The following SRPK2 variants were observed in gnomAD, a reference collection of about 807,000 sequenced individuals.
SRPK2 encodes SRSF protein kinase 2.
SRPK2 carries 21 observed loss-of-function variants against 90.8 expected under a neutral mutation model. That is an observed-to-expected ratio of 0.23 (90% CI 0.16 to 0.33). SRPK2 has a LOEUF of 0.33. Ranked by LOEUF, SRPK2 falls within the 10% of genes least tolerant of loss-of-function variation. The pLI is 1.00. For missense variants in SRPK2, 620 were observed against 869.0 expected (o/e 0.71, Z 3.60); for synonymous variants, 288 against 311.1 (o/e 0.93, Z 0.78).
chr7:105,246,311 G>C (rs1801657733), intron 2 of SRPK2, among the ~76,000 whole-genome samples: 1 of 152,034 alleles, frequency 6.6e-6, no homozygotes, highest in South Asian at 2.1e-4. Flanking sequence ...CATTTTACAA[G>C]AAAGAAAACT....
intron 2 of SRPK2, among the ~76,000 whole-genome samples, chr7:105,232,458 T>TAAAAAAAAAAAAAAAAAAAAAAAAAAAAA (rs10533429): frequency 7.6e-6 from 1 of 132,064 alleles, no homozygotes. Context: ...AAACCTTATC[T>TAAAAAAAAAAAAAAAAAAAAAAAAAAAAA]AAAAAAAAAA....
At chr7:105,186,754 A>C (rs1438442151) in intron 3 of SRPK2, among the ~76,000 whole-genome samples, 2 of 152,194 alleles carry the variant, frequency 1.3e-5, no homozygotes, top group African/African-American at 4.8e-5. Context: ...TTTTGAGGCT[A>C]GGTCATAAAA....
At chr7:105,301,594 G>T (rs1810564522) in intron 2 of SRPK2, 1 of 1,603,486 alleles carries the variant, frequency 6.2e-7, no homozygotes, top group Non-Finnish European at 8.5e-7. Flanking sequence ...AAGTTTCCGG[G>T]AATTAAGTTC....
upstream of SRPK2, among the ~76,000 whole-genome samples, chr7:105,393,951 G>T (rs1203888133): frequency 6.6e-6 from 1 of 151,522 alleles, no homozygotes; most frequent in Non-Finnish European, 1.5e-5. Context: ...AAAAAAAATT[G>T]CTCCCCCCAA....
chr7:105,368,713 G>A (rs1005954533), intron 2 of SRPK2, among the ~76,000 whole-genome samples: 4 of 151,850 alleles, frequency 2.6e-5, no homozygotes, highest in East Asian at 3.9e-4. Context: ...ATGAAACCCC[G>A]TCTCTACTAA....
At chr7:105,139,444 C>G (rs1803375980) in intron 11 of SRPK2, among the ~76,000 whole-genome samples, 1 of 152,180 alleles carries the variant, frequency 6.6e-6, no homozygotes. Context: ...AAGTTTCTCA[C>G]TGGAGCAACA....
intron 11 of SRPK2, among the ~76,000 whole-genome samples, chr7:105,138,439 T>G (rs1202917589): frequency 6.6e-6 from 1 of 152,162 alleles, no homozygotes; most frequent in Admixed American, 6.6e-5. Context: ...GATCATATCC[T>G]AGATCAGGAA....
chr7:105,253,377 A>T (rs1802757623), intron 2 of SRPK2, among the ~76,000 whole-genome samples: 1 of 152,204 alleles, frequency 6.6e-6, no homozygotes, highest in Non-Finnish European at 1.5e-5. Context: ...CTTCATGCCC[A>T]CAGGAAAATG....
At chr7:105,378,035 C>G (rs988233423) in intron 2 of SRPK2, among the ~76,000 whole-genome samples, 1 of 152,108 alleles carries the variant, frequency 6.6e-6, no homozygotes, top group East Asian at 1.9e-4. Flanking sequence ...GCTCCCCAGT[C>G]CTTCGTTTGA....
intron 2 of SRPK2, among the ~76,000 whole-genome samples, chr7:105,372,139 A>T (rs1481818125): frequency 2.5e-4 from 13 of 52,590 alleles, no homozygotes; most frequent in Non-Finnish European, 4.1e-4. Flanking sequence ...CAACTCATAA[A>T]AAAAAAAAAA....
chr7:105,153,207 T>C (rs1295544793), intron 7 of SRPK2, among the ~76,000 whole-genome samples: 1 of 152,044 alleles, frequency 6.6e-6, no homozygotes, highest in African/African-American at 2.4e-5. Context: ...CAGGTTTCTC[T>C]GGGTAAAGTC....
At chr7:105,190,664 T>TA (rs1452394756) in intron 3 of SRPK2, among the ~76,000 whole-genome samples, 3 of 152,212 alleles carry the variant, frequency 2.0e-5, no homozygotes, top group South Asian at 4.1e-4. Flanking sequence ...GCCACACTGT[T>TA]AGACTATCAG....
intron 2 of SRPK2, among the ~76,000 whole-genome samples, chr7:105,255,907 G>C (rs956003765): frequency 6.7e-6 from 1 of 149,214 alleles, no homozygotes; most frequent in Non-Finnish European, 1.5e-5. Context: ...CTGGGCGATA[G>C]TGTGAGTCCA....
intron 3 of SRPK2, among the ~76,000 whole-genome samples, chr7:105,185,021 G>A (rs547269453): frequency 5.3e-5 from 8 of 152,178 alleles, no homozygotes; most frequent in African/African-American, 1.9e-4. Context: ...ATGAGCTTGA[G>A]TACATGAACT....
At chr7:105,289,056 A>T (rs1808575952) in intron 2 of SRPK2, among the ~76,000 whole-genome samples, 1 of 145,222 alleles carries the variant, frequency 6.9e-6, no homozygotes, top group Non-Finnish European at 1.5e-5. Context: ...GGAGATCGAG[A>T]CCGTCTTGGC....
At chr7:105,170,518 C>A (rs1274788742) in intron 3 of SRPK2, among the ~76,000 whole-genome samples, 2 of 151,658 alleles carry the variant, frequency 1.3e-5, no homozygotes, top group Non-Finnish European at 2.9e-5. Context: ...CACGGTGAAA[C>A]CCCATCTCTA....
chr7:105,226,434 G>A (rs1219299632), intron 2 of SRPK2, among the ~76,000 whole-genome samples: 1 of 152,022 alleles, frequency 6.6e-6, no homozygotes, highest in African/African-American at 2.4e-5. Flanking sequence ...GGGATTACAG[G>A]TGCGCGCCAC....
At chr7:105,244,839 G>A (rs1254763606) in intron 2 of SRPK2, 1 of 1,050,994 alleles carries the variant, frequency 9.5e-7, no homozygotes, top group South Asian at 1.3e-5. Flanking sequence ...TTACTGAAAG[G>A]TCTCCAAAGA....
intron 2 of SRPK2, among the ~76,000 whole-genome samples, chr7:105,261,035 A>AAAC (rs1302215220): frequency 2.0e-5 from 3 of 151,640 alleles, no homozygotes; most frequent in Admixed American, 6.6e-5. Context: ...AAAAAAAAAA[A>AAAC]AAAAAAACAG....
Sources: allele counts gnomAD v4.1 joint callset (sites outside exome capture counted in the v4.1 genomes callset), GRCh38; gene constraint gnomAD v4.1.1; transcripts MANE v1.5; gene names NCBI Gene and HGNC (gene_info 2026-07-23, HGNC 2026-07-21).